SLX4IP: variants seen among roughly 807,000 people sequenced by gnomAD.
The protein encoded by SLX4IP is SLX4 interacting protein.
A neutral mutation model predicts 32.9 loss-of-function variants in SLX4IP; 34 were observed. That is an observed-to-expected ratio of 1.03 (90% CI 0.79 to 1.38). The LOEUF is 1.38. Among genes scored for constraint, SLX4IP ranks in the 40% most tolerant of loss-of-function variants. The probability of loss-of-function intolerance (pLI) is 0.00; values close to 1 mark genes in which losing one functional copy is unlikely to be tolerated. For synonymous variants in SLX4IP, 172 were observed against 171.7 expected (o/e 1.00, Z -0.01); for missense variants, 444 against 479.0 (o/e 0.93, Z 0.68).
intron 4 of SLX4IP, among the ~76,000 whole-genome samples, chr20:10,595,757 A>G (rs758729299): frequency 1.3e-5 from 2 of 152,260 alleles, no homozygotes; most frequent in African/African-American, 2.4e-5. Flanking sequence ...TTAGTTTGCC[A>G]TAAGAACTGG....
In SLX4IP at chr20:10,580,535, C is replaced by G. The variant is rs139329298; in HGVS notation, c.239-18140C>G. On this transcript the variant is annotated intron_variant, in intron 4 of 7. Coordinates refer to ENST00000334534, the MANE Select transcript of SLX4IP (RefSeq NM_001009608.3). ...TTTTTTAACATTGCAGTTGCCTATGCCTACCTTTGTTGCAGTAGCATTTAC... is the reference window on the plus strand; with the variant it reads ...TTTTTTAACATTGCAGTTGCCTATGGCTACCTTTGTTGCAGTAGCATTTAC... Among the ~76,000 whole-genome samples, 202 of 146,994 alleles carry G rather than the reference C, an allele frequency of 1.4e-3. 1 individual carries two copies. The highest frequency in any genetic ancestry group is 4.6e-3 in the African/African-American group (184 of 39,804).
intron 2 of SLX4IP, among the ~76,000 whole-genome samples, chr20:10,506,567 C>T (rs1484333159): frequency 3.3e-5 from 5 of 152,176 alleles, no homozygotes; most frequent in African/African-American, 1.2e-4. Flanking sequence ...ATCAGGTAAA[C>T]AAGAAGATGT....
chr20:10,535,573 G>A lies in SLX4IP; in HGVS notation c.28-20658G>A, dbSNP rs1206920238. Among the ~76,000 whole-genome samples the A allele has an allele frequency of 2.6e-5, 4 of 152,062 alleles. 2 individuals carry two copies. In the South Asian group the frequency reaches 8.3e-4, roughly 32 times the overall value. Reference sequence around the variant, plus strand: ...CTGAGCTCAGGTGATCCACCTCCTCGGCCTCCCAAAGTACTGGGATTACAG... The same window carrying A: ...CTGAGCTCAGGTGATCCACCTCCTCAGCCTCCCAAAGTACTGGGATTACAG... On this transcript the variant is annotated intron_variant, in intron 2 of 7. Transcript: ENST00000334534.
intron 3 of SLX4IP, among the ~76,000 whole-genome samples, chr20:10,557,136 G>C (rs1240184491): frequency 3.3e-5 from 5 of 152,240 alleles, no homozygotes; most frequent in East Asian, 1.9e-4. Flanking sequence ...TTTTTAGACT[G>C]AGAAATAAAA....
At chr20:10,527,737 T>TC (rs34116805) in intron 2 of SLX4IP, among the ~76,000 whole-genome samples, 82,136 of 152,034 alleles carry the variant, frequency 0.54, 22,827 homozygotes, top group South Asian at 0.72. Flanking sequence ...TGTTAGAGGT[T>TC]CTAATCCATG....
intron 2 of SLX4IP, among the ~76,000 whole-genome samples, chr20:10,458,809 G>A (rs1197559998): frequency 2.6e-5 from 4 of 152,072 alleles, no homozygotes; most frequent in African/African-American, 9.7e-5. Flanking sequence ...TGTGACTAGT[G>A]CTGCAATGAA....
intron 4 of SLX4IP, among the ~76,000 whole-genome samples, chr20:10,577,653 C>T (rs891172308): frequency 1.3e-5 from 2 of 152,206 alleles, no homozygotes; most frequent in Non-Finnish European, 2.9e-5. Context: ...CCCAGGAATT[C>T]GAGGCTGCCG....
chr20:10,459,549 G>A (rs1200510853), intron 2 of SLX4IP, among the ~76,000 whole-genome samples: 1 of 152,152 alleles, frequency 6.6e-6, no homozygotes, highest in Non-Finnish European at 1.5e-5. Flanking sequence ...GTCATCACTT[G>A]GTCTTTACTG....
At position 10,466,512 on chromosome 20, in the gene SLX4IP, G is replaced by C. The variant is rs1016801553; in HGVS notation, c.27+8281G>C. ...TTGGGAGGGCTTGATTAATTAGAAG[G>C]GATTCCTGGCTTCCCTAGCGGTGGC... is the stretch of plus-strand genomic sequence containing the variant. On this transcript the variant is annotated intron_variant, in intron 2 of 7. Transcript: ENST00000334534. 2.0e-5 allele frequency among the ~76,000 whole-genome samples: 3 copies of C among 152,134 alleles called. No individual in the cohort carries two copies. In the East Asian group the frequency reaches 5.8e-4, roughly 29 times the overall value.
intron 4 of SLX4IP, among the ~76,000 whole-genome samples, chr20:10,594,136 T>A (rs1182820572): frequency 1.1e-4 from 16 of 152,198 alleles, no homozygotes; most frequent in Admixed American, 1.0e-3. Context: ...ATATTAACTG[T>A]TATTGAATCT....
At chr20:10,587,596 A>G (rs2066660664) in intron 4 of SLX4IP, among the ~76,000 whole-genome samples, 1 of 152,178 alleles carries the variant, frequency 6.6e-6, no homozygotes, top group South Asian at 2.1e-4. Context: ...CAAATTACTC[A>G]AATTAAAACA....
At chr20:10,598,477 TGGTCTC>T (rs946344102) in intron 4 of SLX4IP, among the ~76,000 whole-genome samples, 192 bp from the exon 5 acceptor site, 14 of 152,230 alleles carry the variant, frequency 9.2e-5, no homozygotes, top group African/African-American at 2.7e-4. Context: ...TTGGCCAGGC[TGGTCTC>T]GAACTCCTGA....
intron 4 of SLX4IP, among the ~76,000 whole-genome samples, chr20:10,593,791 T>G (rs1279266306): frequency 6.6e-6 from 1 of 152,226 alleles, no homozygotes; most frequent in African/African-American, 2.4e-5. Context: ...GCCTGATCTC[T>G]TTAAAAGTTC....
At chr20:10,587,059 AAAAG>A (rs2066654229) in intron 4 of SLX4IP, among the ~76,000 whole-genome samples, 1 of 152,064 alleles carries the variant, frequency 6.6e-6, no homozygotes, top group Admixed American at 6.6e-5. Context: ...CTAGGATCAA[AAAAG>A]AAAAGAAAAA....
chr20:10,526,760 G>T (rs2065943288), intron 2 of SLX4IP, among the ~76,000 whole-genome samples: 1 of 152,144 alleles, frequency 6.6e-6, no homozygotes, highest in African/African-American at 2.4e-5. Context: ...AGACCAGCCT[G>T]GGCAATATGG....
At chr20:10,503,740 A>C (rs1329395224) in intron 2 of SLX4IP, among the ~76,000 whole-genome samples, 1 of 152,106 alleles carries the variant, frequency 6.6e-6, no homozygotes, top group African/African-American at 2.4e-5. Context: ...TTTCTCTCTG[A>C]GGGCTCTAGG....
At chr20:10,464,934 C>T (rs1359644123) in intron 2 of SLX4IP, among the ~76,000 whole-genome samples, 1 of 152,074 alleles carries the variant, frequency 6.6e-6, no homozygotes, top group Non-Finnish European at 1.5e-5. Flanking sequence ...GGACTACAGG[C>T]GGCACTGCCA....
chr20:10,516,047 C>T (rs1407417822), intron 2 of SLX4IP, among the ~76,000 whole-genome samples: 1 of 152,154 alleles, frequency 6.6e-6, no homozygotes, highest in Non-Finnish European at 1.5e-5. Flanking sequence ...TGCTACCACA[C>T]CTGGCTAATT....
In SLX4IP at chr20:10,621,374, C is replaced by A. The variant is rs2122572581; in HGVS notation, c.466C>A (p.Pro156Thr). The change falls in exon 7 of 8, where the codon CCT becomes ACT. Residue 156 changes from proline to threonine, a missense_variant. Transcript: ENST00000334534. ...YFAECAESSLPPSAKLRRNAL... is the reference protein window; with the variant it reads ...YFAECAESSLTPSAKLRRNAL... ...TGCTGAGTGTGCAGAGAGTTCACTTCCTCCCAGTGCAAAGCTCCGGAGAAA... is the reference window on the plus strand; with the variant it reads ...TGCTGAGTGTGCAGAGAGTTCACTTACTCCCAGTGCAAAGCTCCGGAGAAA... The A allele has an allele frequency of 1.2e-6, 2 of 1,614,160 alleles. No homozygotes were observed. The highest frequency in any genetic ancestry group is 2.2e-5 in the East Asian group (1 of 44,888).
Sources: gnomAD v4.1 joint callset for allele counts (sites outside exome capture counted in the v4.1 genomes callset) on GRCh38, gnomAD v4.1.1 for gene constraint, MANE v1.5 for transcripts, NCBI Gene and HGNC (gene_info 2026-07-23, HGNC 2026-07-21) for gene names.